NAV2: variants seen among roughly 807,000 people sequenced by gnomAD.
NAV2 encodes helicase, APC down-regulated 1.
In NAV2, 54 loss-of-function variants were observed where a neutral mutation model predicts 223.2. That is an observed-to-expected ratio of 0.24 (90% CI 0.19 to 0.30). NAV2 has a LOEUF of 0.30. NAV2 is among the 10% of genes least tolerant of loss of function. The pLI, the probability that NAV2 is intolerant of heterozygous loss-of-function variation, is 1.00. For synonymous variants in NAV2, 1,279 were observed against 1,239.3 expected, an observed-to-expected ratio of 1.03 and a Z score of -0.67; for missense variants, 2,806 against 3,147.5, an observed-to-expected ratio of 0.89 and a Z score of 2.60.
At chr11:20,040,700 C>A (rs2056836609) in intron 12 of NAV2, among the ~76,000 whole-genome samples, 1 of 152,144 alleles carries the variant, frequency 6.6e-6, no homozygotes, top group East Asian at 1.9e-4. Context: ...CAAGAACAGG[C>A]AGAAGAAAAC....
At chr11:19,529,575 A>G (rs569719841) in intron 1 of NAV2, among the ~76,000 whole-genome samples, 1 of 151,910 alleles carries the variant, frequency 6.6e-6, no homozygotes, top group Admixed American at 6.5e-5. Flanking sequence ...TTATGTCTTT[A>G]TGTCCTTTGG....
At chr11:19,733,131 A>G (rs2051964880) in intron 1 of NAV2, among the ~76,000 whole-genome samples, 1 of 152,216 alleles carries the variant, frequency 6.6e-6, no homozygotes, top group Non-Finnish European at 1.5e-5. Flanking sequence ...CTGCTCCATT[A>G]GGCGATCTTT....
chr11:19,461,139 T>C (rs1650244795), intron 1 of NAV2, among the ~76,000 whole-genome samples: 1 of 152,138 alleles, frequency 6.6e-6, no homozygotes, highest in Non-Finnish European at 1.5e-5. Context: ...GAGATCTGTT[T>C]TGTTGGCAAC....
intron 1 of NAV2, among the ~76,000 whole-genome samples, chr11:19,432,547 G>A (rs940827885): frequency 6.6e-6 from 1 of 152,194 alleles, no homozygotes; most frequent in African/African-American, 2.4e-5. Context: ...AAGCCAAAAG[G>A]CGTCATGGAC....
At chr11:19,770,641 G>A (rs1005095059) in intron 1 of NAV2, among the ~76,000 whole-genome samples, 2 of 152,156 alleles carry the variant, frequency 1.3e-5, no homozygotes, top group African/African-American at 4.8e-5. Context: ...CTTGGGACCA[G>A]TTTGTCTGCT....
Position 20,049,901 on chromosome 11 carries a change from G to A in NAV2, c.4436G>A (p.Ser1479Asn). ...CRSTLPRKQDSDPHLDRNTLP... is the reference protein window; with the variant it reads ...CRSTLPRKQDNDPHLDRNTLP... The stretch of plus-strand genomic sequence containing the variant: ...AGTACTCTGCCCAGGAAACAGGACA[G>A]GTAATGACATTGCAGGCCGGGGACC... The change falls in exon 16 of 38, where the codon AGT (serine) becomes AAT (asparagine). Residue 1479 changes from serine (S) to asparagine (N), a missense_variant and splice_region_variant. This residue lies in a region of NAV2 where 742 missense variants were observed against 777.9 expected (regional missense o/e 0.95). Coordinates refer to ENST00000349880, the MANE Select transcript of NAV2 (RefSeq NM_145117.5). The A allele has an allele frequency of 6.2e-7, 1 of 1,614,110 alleles. No homozygotes were observed. The highest frequency in any genetic ancestry group is 8.5e-7 in the Non-Finnish European group (1 of 1,179,970).
intron 6 of NAV2, among the ~76,000 whole-genome samples, chr11:19,929,479 C>T (rs1365407104): frequency 6.6e-6 from 1 of 152,160 alleles, no homozygotes; most frequent in Non-Finnish European, 1.5e-5. Flanking sequence ...CTAGTGCCCC[C>T]TATCTAGCAC....
chr11:19,669,465 T>C (rs2048517294), intron 1 of NAV2, among the ~76,000 whole-genome samples: 1 of 152,244 alleles, frequency 6.6e-6, no homozygotes, highest in African/African-American at 2.4e-5. Context: ...TGGATGACAA[T>C]AGCACCTCTC....
At chr11:19,553,890 G>T (rs1453893519) in intron 1 of NAV2, among the ~76,000 whole-genome samples, 1 of 152,248 alleles carries the variant, frequency 6.6e-6, no homozygotes, top group East Asian at 1.9e-4. Context: ...AGAATGGGTG[G>T]CAAACCCCTC....
intron 1 of NAV2, among the ~76,000 whole-genome samples, chr11:19,376,991 A>G (rs919504685): frequency 2.0e-5 from 3 of 152,212 alleles, no homozygotes; most frequent in African/African-American, 7.2e-5. Flanking sequence ...CTAAAAAGGG[A>G]AAGGCATTCC....
intron 11 of NAV2, among the ~76,000 whole-genome samples, chr11:20,029,621 G>A (rs1421295209): frequency 6.6e-6 from 1 of 152,184 alleles, no homozygotes; most frequent in Non-Finnish European, 1.5e-5. Context: ...AATTCTCACT[G>A]TATCCCCACC....
chr11:19,765,389 C>CCTTG (rs1389795780), intron 1 of NAV2, among the ~76,000 whole-genome samples: 1 of 149,998 alleles, frequency 6.7e-6, no homozygotes, highest in African/African-American at 2.5e-5. Context: ...TTCCTTCCTT[C>CCTTG]CTTCCCTCCC....
At chr11:19,365,555 T>C (rs1848249367) in intron 1 of NAV2, among the ~76,000 whole-genome samples, 1 of 152,220 alleles carries the variant, frequency 6.6e-6, no homozygotes, top group Admixed American at 6.5e-5. Flanking sequence ...TTAGCAAGTA[T>C]CTACTAGACA....
In NAV2 at chr11:19,674,209, G is replaced by A. The variant is rs60821953; in HGVS notation, c.76-158275G>A. On this transcript the variant is annotated intron_variant, in intron 1 of 37. Coordinates refer to the NAV2 transcript ENST00000360655. The stretch of plus-strand genomic sequence containing the variant: ...TGCATCAGGAACTCTTGAAGCCGCC[G>A]TCTCCCTGAGCTGCCTGGAAACTTC... Among the ~76,000 whole-genome samples the A allele has an allele frequency of 9.3e-3, 1,413 of 152,280 alleles. 18 individuals carry two copies. The highest frequency in any genetic ancestry group is 0.03 in the African/African-American group (1,233 of 41,544).
At chr11:19,682,724 C>T (rs2048912928) in intron 1 of NAV2, among the ~76,000 whole-genome samples, 1 of 152,174 alleles carries the variant, frequency 6.6e-6, no homozygotes, top group Admixed American at 6.5e-5. Flanking sequence ...AGAGATGCCA[C>T]ACACTCTTTT....
chr11:19,918,446 G>C (rs1680063632), intron 6 of NAV2, among the ~76,000 whole-genome samples: 1 of 152,238 alleles, frequency 6.6e-6, no homozygotes, highest in African/African-American at 2.4e-5. Flanking sequence ...CATGGACTGG[G>C]AGGTGACTTG....
At chr11:19,849,451 C>A (rs1216162836) in intron 3 of NAV2, among the ~76,000 whole-genome samples, 1 of 152,188 alleles carries the variant, frequency 6.6e-6, no homozygotes, top group African/African-American at 2.4e-5. Flanking sequence ...GGCAGGTGGC[C>A]CCTTGTGAAA....
chr11:19,964,339 A>G (rs1157758904), intron 10 of NAV2, among the ~76,000 whole-genome samples: 2 of 152,208 alleles, frequency 1.3e-5, no homozygotes, highest in Non-Finnish European at 2.9e-5. Context: ...CCAGGCCCTC[A>G]GGGTACAAAG....
chr11:19,787,188 T>C (rs947632435), intron 1 of NAV2, among the ~76,000 whole-genome samples: 2 of 150,842 alleles, frequency 1.3e-5, no homozygotes, highest in Admixed American at 1.3e-4. Context: ...ACTCCTGCGC[T>C]CAGGGGATCC....
Sources: gnomAD v4.1 joint callset for allele counts (sites outside exome capture counted in the v4.1 genomes callset) on GRCh38, gnomAD v4.1.1 for gene constraint, gnomAD v4.1.1 regional missense constraint, MANE v1.5 for transcripts, NCBI Gene and HGNC (gene_info 2026-07-23, HGNC 2026-07-21) for gene names.